Variants in TMPRSS15 observed in about 807,000 individuals in gnomAD.
TMPRSS15 encodes the protein transmembrane serine protease 15, also known as enteropeptidase.
TMPRSS15 carries 128 observed loss-of-function variants against 125.3 expected under a neutral mutation model. The observed-to-expected ratio is 1.02, with a 90% CI of 0.89 to 1.18. The LOEUF (loss-of-function observed/expected upper bound fraction) is 1.18. TMPRSS15 is among the 50% of genes most tolerant of loss of function. TMPRSS15 has a pLI of 0.00. For synonymous variants in TMPRSS15, 446 were observed against 423.2 expected (o/e 1.05, Z -0.66); for missense variants, 1,283 against 1,212.7 (o/e 1.06, Z -0.86).
intron 7 of TMPRSS15, among the ~76,000 whole-genome samples, chr21:18,363,214 T>A (rs991691514): frequency 6.6e-6 from 1 of 152,162 alleles, no homozygotes; most frequent in African/African-American, 2.4e-5. Flanking sequence ...AATTAAATCA[T>A]CATTTTAGCA....
chr21:18,376,832 A>G (rs2075849144), intron 5 of TMPRSS15, among the ~76,000 whole-genome samples: 1 of 152,204 alleles, frequency 6.6e-6, no homozygotes, highest in Admixed American at 6.5e-5. Context: ...CAGCTGAATG[A>G]TAGAGCATAA....
chr21:18,277,326 CA>C (rs1022862594), intron 23 of TMPRSS15, among the ~76,000 whole-genome samples: 7 of 151,598 alleles, frequency 4.6e-5, no homozygotes, highest in Non-Finnish European at 7.4e-5. Context: ...AATCCAAAAA[CA>C]AAAAAAACTT....
At position 18,403,589 on chromosome 21, in the gene TMPRSS15, G is replaced by A. The variant is rs139413914; in HGVS notation, c.34C>T (p.His12Tyr). 105 of 1,614,010 alleles carry A rather than the reference G, an allele frequency of 6.5e-5. No individual in the cohort carries two copies. Among genetic ancestry groups the A allele is most frequent in the Non-Finnish European group, 4.8e-5 (57 of 1,180,020 alleles). Residue 12 changes from histidine (H) to tyrosine (Y), a missense_variant, in exon 1 of 25, where the codon CAT becomes TAT. By Grantham distance (83) the His-to-Tyr change is moderately conservative (BLOSUM62 2). Transcript: ENST00000284885. Reference protein sequence around the residue: ...GSKRGISSRHHSLSSYEIMFA... With the variant: ...GSKRGISSRHYSLSSYEIMFA... The stretch of plus-strand genomic sequence containing the variant: ...ATGATTTCATAGGAGCTGAGAGAAT[G>A]ATGCCTAGAAGATATGCCTCTTTTC...
intron 1 of TMPRSS15, among the ~76,000 whole-genome samples, chr21:18,447,398 C>A (rs554713046): frequency 7.4e-6 from 1 of 134,418 alleles, no homozygotes; most frequent in Non-Finnish European, 1.5e-5. Flanking sequence ...CCAGATCATG[C>A]CATTGCATTT....
intron 18 of TMPRSS15, among the ~76,000 whole-genome samples, chr21:18,310,450 C>A (rs1343918931): frequency 1.3e-5 from 2 of 151,664 alleles, no homozygotes; most frequent in East Asian, 1.9e-4. Context: ...AAAGTAATCC[C>A]ATCTACAACA....
intron 23 of TMPRSS15, among the ~76,000 whole-genome samples, chr21:18,278,443 G>A (rs1199515231): frequency 6.6e-6 from 1 of 152,040 alleles, no homozygotes; most frequent in African/African-American, 2.4e-5. Flanking sequence ...ATATAGGCTG[G>A]GCGCGGTGGC....
chr21:18,355,319 T>TTAGTGTGTTGGATTTCA (rs1294300969), intron 8 of TMPRSS15, among the ~76,000 whole-genome samples: 1 of 151,832 alleles, frequency 6.6e-6, no homozygotes, highest in Non-Finnish European at 1.5e-5. Flanking sequence ...AACCACACCC[T>TTAGTGTGTTGGATTTCA]TAGTGTGTTG....
intron 16 of TMPRSS15, among the ~76,000 whole-genome samples, chr21:18,320,024 C>T (rs527394399): frequency 1.1e-4 from 16 of 152,120 alleles, no homozygotes; most frequent in Non-Finnish European, 1.9e-4. Context: ...AATGCTATTA[C>T]GGAGGTTCTT....
At chr21:18,306,120 G>T (rs1341380045) in intron 18 of TMPRSS15, among the ~76,000 whole-genome samples, 1 of 151,904 alleles carries the variant, frequency 6.6e-6, no homozygotes, top group African/African-American at 2.4e-5. Flanking sequence ...AAAGCCAAAG[G>T]TTACATTTTT....
Position 18,329,296 on chromosome 21 carries a change from TA to T in TMPRSS15, c.1655-3del. Reference sequence around the variant, plus strand: ...TTTGTGCATTTAAAATCCAAACACCTAAAAAGTAAGAAGTAACATTTAATTT... The same window carrying T: ...TTTGTGCATTTAAAATCCAAACACCTAAAAGTAAGAAGTAACATTTAATTT... On this transcript the variant is annotated splice_region_variant and splice_polypyrimidine_tract_variant and intron_variant, in intron 14 of 24. Coordinates refer to ENST00000284885, the MANE Select transcript of TMPRSS15 (RefSeq NM_002772.3). 1.2e-6 allele frequency: 2 copies of T among 1,608,274 alleles called. No homozygotes were observed.
intron 10 of TMPRSS15, among the ~76,000 whole-genome samples, chr21:18,345,772 T>TATCATGAATA (rs1301202515): frequency 2.3e-3 from 222 of 97,216 alleles, no homozygotes; most frequent in Non-Finnish European, 4.4e-3. Flanking sequence ...ATCCACTGAA[T>TATCATGAATA]ATCATGAATA....
chr21:18,417,306 T>G (rs2076182647), intron 1 of TMPRSS15, among the ~76,000 whole-genome samples: 1 of 152,050 alleles, frequency 6.6e-6, no homozygotes, highest in South Asian at 2.1e-4. Flanking sequence ...ATTCCAGAAC[T>G]TTACATAATC....
intron 21 of TMPRSS15, among the ~76,000 whole-genome samples, chr21:18,286,048 A>G (rs1193731526): frequency 2.0e-5 from 3 of 152,114 alleles, no homozygotes; most frequent in African/African-American, 7.2e-5. Flanking sequence ...TAGGCCAAAC[A>G]CTCCTGAGCA....
intron 1 of TMPRSS15, among the ~76,000 whole-genome samples, chr21:18,457,210 T>C (rs994742203): frequency 6.6e-6 from 1 of 152,128 alleles, no homozygotes; most frequent in African/African-American, 2.4e-5. Context: ...TATCTTAACA[T>C]ATGTGGTCTG....
chr21:18,291,965 A>G (rs536126838), intron 21 of TMPRSS15, among the ~76,000 whole-genome samples: 7 of 152,206 alleles, frequency 4.6e-5, no homozygotes, highest in Non-Finnish European at 1.0e-4. Context: ...CCCCATCTTG[A>G]GACTAACAAG....
chr21:18,283,898 G>A lies in TMPRSS15; in HGVS notation c.2487-2677C>T, dbSNP rs73208533. Among the ~76,000 whole-genome samples, 448 of 152,228 alleles carry A rather than the reference G, an allele frequency of 2.9e-3. 1 individual carries two copies. The highest frequency in any genetic ancestry group is 5.2e-3 in the Non-Finnish European group (357 of 68,012). ...GAGAGCTTGTAGGTAACATAGTTTAGTAATCATCACTTCCTTTCATTATTT... is the reference window on the plus strand; with the variant it reads ...GAGAGCTTGTAGGTAACATAGTTTAATAATCATCACTTCCTTTCATTATTT... On this transcript the variant is annotated intron_variant, in intron 21 of 24. Coordinates refer to ENST00000284885, the MANE Select transcript of TMPRSS15 (RefSeq NM_002772.3).
chr21:18,283,172 G>A (rs1009218681), intron 21 of TMPRSS15, among the ~76,000 whole-genome samples: 4 of 152,030 alleles, frequency 2.6e-5, no homozygotes, highest in South Asian at 2.1e-4. Context: ...TGGGATTCCC[G>A]TGTCTACTTT....
chr21:18,332,004 A>G (rs1569013793), intron 14 of TMPRSS15, 80 bp downstream of exon 14: 8 of 1,262,292 alleles, frequency 6.3e-6, no homozygotes, highest in Non-Finnish European at 3.5e-6. Context: ...CAAATTTATA[A>G]TCTACTTTGC....
intron 18 of TMPRSS15, among the ~76,000 whole-genome samples, chr21:18,308,798 G>A (rs2075064449): frequency 6.6e-6 from 1 of 152,020 alleles, no homozygotes; most frequent in Admixed American, 6.6e-5. Flanking sequence ...GTGTCCATGT[G>A]TTCTCATTGT....
Sources: allele counts gnomAD v4.1 joint callset (sites outside exome capture counted in the v4.1 genomes callset), GRCh38; gene constraint gnomAD v4.1.1; transcripts MANE v1.5; gene names NCBI Gene and HGNC (gene_info 2026-07-23, HGNC 2026-07-21).